Variants in ACAP3 observed in about 807,000 individuals in gnomAD.
ACAP3 encodes the protein arf-GAP with coiled-coil, ANK repeat and PH domain-containing protein 3.
A neutral mutation model predicts 104.1 loss-of-function variants in ACAP3; 56 were observed. That is an observed-to-expected ratio of 0.54 (90% CI 0.43 to 0.67). ACAP3 has a LOEUF of 0.67. Ranked by LOEUF, ACAP3 falls within the 30% of genes least tolerant of loss-of-function variation. The probability of loss-of-function intolerance (pLI) is 0.00; values close to 1 mark genes in which losing one functional copy is unlikely to be tolerated. For missense variants in ACAP3, 1,208 were observed against 1,174.9 expected (o/e 1.03, Z -0.41); for synonymous variants, 628 against 496.2 (o/e 1.27, Z -3.53).
chr1:1,302,424 G>A (rs1478467951), intron 4 of ACAP3, among the ~76,000 whole-genome samples: 3 of 152,178 alleles, frequency 2.0e-5, no homozygotes, highest in Admixed American at 6.5e-5. Flanking sequence ...TGGGGAGCTG[G>A]AGCCTGGGCT....
Position 1,302,032 on chromosome 1 carries a change from C to A in ACAP3, c.294G>T (p.Gln98His). ...VVNYHMILFD[Q>H]AQRSVRQQLQ... is the part of the protein sequence containing the mutation. Reference sequence around the variant, plus strand: ...GCTGCTGCCGCACGGACCTCTGGGCCTGGTCAAACAGGATCTGGGGGCAGA... The same window carrying A: ...GCTGCTGCCGCACGGACCTCTGGGCATGGTCAAACAGGATCTGGGGGCAGA... Residue 98 changes from glutamine (Q) to histidine (H), a missense_variant, in exon 5 of 24, where the codon CAG (glutamine) becomes CAT (histidine). Gln to His is a conservative substitution (Grantham distance 24). Transcript: ENST00000354700. 6.4e-7 allele frequency: 1 copy of A among 1,563,280 alleles called. No individual in the cohort carries two copies. The highest frequency in any genetic ancestry group is 8.7e-7 in the Non-Finnish European group (1 of 1,151,822).
rs769717921 is a variant in ACAP3 at position 1,295,507 on chromosome 1, C to T, written c.1753G>A (p.Asp585Asn). The T allele has an allele frequency of 1.1e-5, 18 of 1,612,618 alleles. No homozygotes were observed. Among genetic ancestry groups the T allele is most frequent in the Non-Finnish European group, 1.4e-5 (16 of 1,179,884 alleles). The change falls in exon 19 of 24, where the codon GAC becomes AAC. Residue 585 changes from aspartate (D) to asparagine (N), a missense_variant. Asp to Asn is a conservative substitution (Grantham distance 23, BLOSUM62 1). Transcript: ENST00000354700. ...TAGGAGAAGAGCGAGTCCAGCTCGT[C>T]GGGACAGAAGAGGGAGTCTCGGCGG... ...KFRRDSLFCP[D>N]ELDSLFSYFD...
rs775873154 is a variant in ACAP3 at position 1,295,786 on chromosome 1, C to T, written c.1655G>A (p.Arg552His). 31 of 1,608,548 alleles carry T rather than the reference C, an allele frequency of 1.9e-5. No individual in the cohort carries two copies. The highest frequency in any genetic ancestry group is 6.7e-5 in the Admixed American group (4 of 59,938). Reference sequence around the variant, plus strand: ...CAGAACGGGCTCAAGCCGGACCTTGCGGCGGGCAGTGGGAGCGCGGGGAGA... The same window carrying T: ...CAGAACGGGCTCAAGCCGGACCTTGTGGCGGGCAGTGGGAGCGCGGGGAGA... ...HSSPRAPTAR[R>H]KVRLEPVLPC... Residue 552 changes from arginine to histidine, a missense_variant, in exon 18 of 24, where the codon CGC (arginine) becomes CAC (histidine). Coordinates refer to ENST00000354700, the MANE Select transcript of ACAP3 (RefSeq NM_030649.3).
intron 1 of ACAP3, 92 bp downstream of exon 1, chr1:1,307,677 C>G: frequency 9.7e-7 from 1 of 1,035,880 alleles, no homozygotes; most frequent in Non-Finnish European, 1.2e-6. Context: ...CGCGGCCCGG[C>G]CCGGCGCTGA....
In ACAP3 at chr1:1,303,541, G is replaced by GACCAGCAGA. The variant is rs1260531894; in HGVS notation, c.106-269_106-261dup. 5 of 578,112 alleles carry GACCAGCAGA rather than the reference G, an allele frequency of 8.6e-6. No homozygotes were observed. The African/African-American group carries it at 9.4e-5, about 11-fold the overall frequency. 35.8% of individuals were successfully genotyped at this position (578,112 alleles called of 1,614,324 possible). A position where few individuals can be genotyped will look rare whatever the true frequency, so the allele number is the denominator to read the frequency against. On this transcript the variant is annotated intron_variant, in intron 2 of 23. Coordinates refer to ENST00000354700, the MANE Select transcript of ACAP3 (RefSeq NM_030649.3). The surrounding 1 kb of genome is among the most constrained non-coding windows in gnomAD (Gnocchi z 4.0). Reference sequence around the variant, plus strand: ...CAGGCAGGGGACCCAGGGCCAGCAGGACCAGCAGAACCAGCCCATGTGGGG... The same window carrying GACCAGCAGA: ...CAGGCAGGGGACCCAGGGCCAGCAGGACCAGCAGAACCAGCAGAACCAGCCCATGTGGGG...
At chr1:1,295,397 A>G in intron 19 of ACAP3, 50 bp downstream of exon 19, 1 of 1,556,906 alleles carries the variant, frequency 6.4e-7, no homozygotes, top group Non-Finnish European at 8.8e-7. Context: ...CCTTCAGGCC[A>G]GCCTCCTTGG....
chr1:1,305,529 G>A (rs1211269348), intron 1 of ACAP3: 1 of 152,302 alleles, frequency 6.6e-6, no homozygotes, highest in African/African-American at 2.4e-5. Flanking sequence ...AGCCAGCAAG[G>A]GGGGATGGCT....
chr1:1,304,386 G>T, intron 1 of ACAP3: 1 of 592,734 alleles, frequency 1.7e-6, no homozygotes, highest in Non-Finnish European at 3.0e-6. Flanking sequence ...AAGAAGGCTG[G>T]ACCAGCCTCT....
At chr1:1,302,569 T>A (rs2100466400) in intron 4 of ACAP3, among the ~76,000 whole-genome samples, 1 of 152,190 alleles carries the variant, frequency 6.6e-6, no homozygotes, top group Middle Eastern at 3.4e-3. Flanking sequence ...CAGCCCCACA[T>A]CTCACGGGTG....
Position 1,307,879 on chromosome 1 carries a change from C to G in ACAP3, c.-64G>C. ...CGGCGCCGAGCGGCAGCCGCGCCGG[C>G]CCGGACCGCTCGTCCCGCCCGCGCC... is the stretch of plus-strand genomic sequence containing the variant. On this transcript the variant is annotated 5_prime_UTR_variant, in exon 1 of 24. Coordinates refer to ENST00000354700, the MANE Select transcript of ACAP3 (RefSeq NM_030649.3). 1 of 938,954 alleles carries G rather than the reference C, an allele frequency of 1.1e-6. No homozygotes were observed. Among genetic ancestry groups the G allele is most frequent in the Non-Finnish European group, 1.3e-6 (1 of 786,566 alleles). 58.2% of individuals were successfully genotyped at this position (938,954 alleles called of 1,614,324 possible).
intron 10 of ACAP3, 47 bp from the exon 11 acceptor site, chr1:1,298,726 G>T: frequency 2.7e-6 from 4 of 1,461,596 alleles, no homozygotes; most frequent in Non-Finnish European, 3.8e-6. Context: ...CAGGGGCCCT[G>T]CTACCCTCCG....
intron 19 of ACAP3, 59 bp downstream of exon 19, chr1:1,295,388 C>A: frequency 3.9e-6 from 6 of 1,524,964 alleles, no homozygotes; most frequent in Non-Finnish European, 4.5e-6. Flanking sequence ...CTCAGGCACC[C>A]TTCAGGCCAG....
rs963794974 is a variant in ACAP3 at position 1,306,576 on chromosome 1, C to T, written c.47+1193G>A. Among the ~76,000 whole-genome samples the T allele has an allele frequency of 4.6e-5, 7 of 152,220 alleles. No homozygotes were observed. In the East Asian group the frequency reaches 1.2e-3, roughly 25 times the overall value. ...TCCCACTCCAAGGCTCCTGAGCCTC[C>T]TGGTGAGGGCTCCAGGGATACAGAG... On this transcript the variant is annotated intron_variant, in intron 1 of 23. Coordinates refer to ENST00000354700, the MANE Select transcript of ACAP3 (RefSeq NM_030649.3).
At chr1:1,305,646 C>T (rs1025292369) in intron 1 of ACAP3, 1 of 152,306 alleles carries the variant, frequency 6.6e-6, no homozygotes, top group African/African-American at 2.4e-5. Flanking sequence ...CTTCCTCAGT[C>T]CTGGGGACCT....
intron 1 of ACAP3, among the ~76,000 whole-genome samples, chr1:1,306,299 G>A (rs928630050): frequency 2.0e-5 from 3 of 152,128 alleles, no homozygotes; most frequent in East Asian, 1.9e-4. Context: ...GGCCGTCTGC[G>A]TGGAGGAGGA....
At chr1:1,300,265 G>A (rs1027029268) in intron 6 of ACAP3, 63 bp from the exon 7 acceptor site, 3 of 1,525,396 alleles carry the variant, frequency 2.0e-6, no homozygotes, top group Non-Finnish European at 2.6e-6. Flanking sequence ...CCCTGCACCT[G>A]CCATAGAGTC....
Position 1,298,588 on chromosome 1 carries a change from T to C in ACAP3, c.842A>G (p.Asn281Ser). 1.9e-6 allele frequency: 3 copies of C among 1,595,648 alleles called. No individual in the cohort carries two copies. The South Asian group carries it at 3.3e-5, about 18-fold the overall frequency. ...MEGYLFKRAS[N>S]AFKTWNRRWF... ...TCACCGGTTCCATGTCTTGAAAGCG[T>C]TGCTGGCCCTCTTGAAGAGGTAGCC... Residue 281 changes from asparagine (N) to serine (S), a missense_variant, in exon 11 of 24, where the codon AAC becomes AGC. Coordinates refer to ENST00000354700, the MANE Select transcript of ACAP3 (RefSeq NM_030649.3).
chr1:1,305,746 A>G (rs1041640015), intron 1 of ACAP3: 4 of 152,586 alleles, frequency 2.6e-5, no homozygotes, highest in Non-Finnish European at 1.5e-5. Flanking sequence ...CAAAGCCATG[A>G]CTCAGCGCCT....
intron 9 of ACAP3, 149 bp downstream of exon 9, chr1:1,299,682 G>GAGC: frequency 2.1e-6 from 2 of 971,404 alleles, no homozygotes; most frequent in Non-Finnish European, 3.0e-6. Context: ...ACATCAAAGG[G>GAGC]AGCAGCCTTG....
Sources: allele counts gnomAD v4.1 joint callset (sites outside exome capture counted in the v4.1 genomes callset), GRCh38; gene constraint gnomAD v4.1.1; non-coding constraint Gnocchi (gnomAD v3.1); transcripts MANE v1.5; gene names NCBI Gene and HGNC (gene_info 2026-07-23, HGNC 2026-07-21).